The following RIN3 variants were observed in gnomAD, a reference collection of about 807,000 sequenced individuals.
RIN3 encodes RAB5 interacting protein 3.
In RIN3, 54 loss-of-function variants were observed where a neutral mutation model predicts 76.3. That is an observed-to-expected ratio of 0.71 (90% CI 0.57 to 0.89). The LOEUF is 0.89. RIN3 is among the 40% of genes least tolerant of loss of function. The pLI is 0.00. For missense variants in RIN3, 1,256 were observed against 1,322.1 expected, an observed-to-expected ratio of 0.95 and a Z score of 0.78; for synonymous variants, 576 against 564.0, an observed-to-expected ratio of 1.02 and a Z score of -0.30.
intron 4 of RIN3, among the ~76,000 whole-genome samples, chr14:92,628,599 C>A (rs558806372): frequency 6.6e-6 from 1 of 152,146 alleles, no homozygotes; most frequent in Non-Finnish European, 1.5e-5. Context: ...GATAAGGCCA[C>A]GCTTTCCCAT....
chr14:92,518,858 G>A (rs1010724170), intron 1 of RIN3, among the ~76,000 whole-genome samples: 17 of 149,778 alleles, frequency 1.1e-4, no homozygotes, highest in African/African-American at 4.2e-4. Context: ...CTGCCAACGT[G>A]TCTTTTCTTA....
Position 92,648,458 on chromosome 14 carries a change from T to G in RIN3, c.533-3124T>G, listed in dbSNP as rs1344812023. ...GGCCCATCCGTTTACGGGGCTCCTG[T>G]GCCCTCCTTCCTGCCTCCTCTCACT... On this transcript the variant is annotated intron_variant, in intron 5 of 9. Coordinates refer to ENST00000216487, the MANE Select transcript of RIN3 (RefSeq NM_024832.5). The surrounding 1 kb of genome is among the most constrained non-coding windows in gnomAD (Gnocchi z 4.1). 6.6e-6 allele frequency among the ~76,000 whole-genome samples: 1 copy of G among 152,246 alleles called. No homozygotes were observed. Among genetic ancestry groups the G allele is most frequent in the Non-Finnish European group, 1.5e-5 (1 of 68,036 alleles).
At chr14:92,531,599 C>G (rs768232745) in intron 1 of RIN3, among the ~76,000 whole-genome samples, 38 of 152,190 alleles carry the variant, frequency 2.5e-4, no homozygotes, top group Non-Finnish European at 4.6e-4. Context: ...GCACATGATA[C>G]GCTTATTCCC....
intron 2 of RIN3, among the ~76,000 whole-genome samples, chr14:92,567,927 A>T (rs571601234): frequency 6.6e-6 from 1 of 152,282 alleles, no homozygotes; most frequent in East Asian, 1.9e-4. Context: ...AATAATTAGG[A>T]TTATAAGTTA....
In RIN3 at chr14:92,634,065, TCC is replaced by T. The variant is rs1381258393; in HGVS notation, c.441-7171_441-7170del. ...AATGTCAGAATATTTATTCTAAAAA[TCC>T]CTTTTTTTTTTTTTTTTTTTTTTTG... On this transcript the variant is annotated intron_variant, in intron 4 of 9. Coordinates refer to ENST00000216487, the MANE Select transcript of RIN3 (RefSeq NM_024832.5). Among the ~76,000 whole-genome samples, 6 of 106,304 alleles carry T rather than the reference TCC, an allele frequency of 5.6e-5. No homozygotes were observed. In the East Asian group the frequency reaches 1.5e-3, roughly 26 times the overall value. The allele number at this position is 106,304 out of a possible 152,430, so 69.7% of individuals were successfully genotyped here.
chr14:92,627,909 C>A (rs1161873563), intron 4 of RIN3, among the ~76,000 whole-genome samples: 2 of 152,226 alleles, frequency 1.3e-5, no homozygotes, highest in Non-Finnish European at 2.9e-5. Context: ...AGGGCGCTTC[C>A]TGCATGCAAA....
At chr14:92,598,984 C>T (rs1885247217) in intron 3 of RIN3, among the ~76,000 whole-genome samples, 1 of 152,130 alleles carries the variant, frequency 6.6e-6, no homozygotes, top group South Asian at 2.1e-4. Flanking sequence ...TTTGGAAGAG[C>T]ACACGAGGTG....
chr14:92,659,301 A>G lies in RIN3; in HGVS notation c.2167A>G (p.Thr723Ala). ...KENQLVILAT[T>A]TTDLGVTTSV... ...GAACCAGTTAGTGATCCTGGCCACC[A>G]CCACCACTGACCTAGGTGTGACCAC... The change falls in exon 7 of 10, where the codon ACC becomes GCC. Residue 723 changes from threonine (T) to alanine (A), a missense_variant. Around this residue, in one of 3 missense-constraint regions of RIN3, gnomAD observed 428 missense variants for 521.2 expected, o/e 0.82. Transcript: ENST00000216487. 1.9e-6 allele frequency: 3 copies of G among 1,613,628 alleles called. No homozygotes were observed. Among genetic ancestry groups the G allele is most frequent in the Non-Finnish European group, 2.5e-6 (3 of 1,179,724 alleles).
intron 3 of RIN3, among the ~76,000 whole-genome samples, chr14:92,599,489 A>T (rs1350111444): frequency 6.6e-6 from 1 of 152,198 alleles, no homozygotes; most frequent in African/African-American, 2.4e-5. Context: ...GGACTGTGGG[A>T]CAGCATCACC....
chr14:92,617,157 G>A (rs1171796525), intron 4 of RIN3, among the ~76,000 whole-genome samples: 2 of 152,046 alleles, frequency 1.3e-5, no homozygotes, highest in African/African-American at 4.8e-5. Context: ...AAAATTAGCT[G>A]GGCGTAGTGG....
chr14:92,544,681 C>T (rs370293060), intron 1 of RIN3, among the ~76,000 whole-genome samples: 3 of 151,412 alleles, frequency 2.0e-5, no homozygotes, highest in East Asian at 3.9e-4. Context: ...CTCTGGGACC[C>T]GGGGGTATGT....
rs746660968 is a variant in RIN3 at position 92,652,846 on chromosome 14, C to T, written c.1797C>T (p.Arg599=). 1.9e-5 allele frequency: 31 copies of T among 1,614,104 alleles called. No homozygotes were observed. In the East Asian group the frequency reaches 6.7e-4, roughly 35 times the overall value. Residue 599 remains arginine (R), a synonymous_variant, in exon 6 of 10, where the codon CGC becomes CGT. Coordinates refer to ENST00000216487, the MANE Select transcript of RIN3 (RefSeq NM_024832.5). The surrounding 1 kb of genome is among the most constrained non-coding windows in gnomAD (Gnocchi z 6.4). The stretch of plus-strand genomic sequence containing the variant: ...TCCACGCTTTCCTCTCCAACAACCG[C>T]AAGCTGTACAAGAAGGTGGTGGAGC... The part of the protein sequence containing the change: ...SMFHAFLSNN[R]KLYKKVVELA...
intron 2 of RIN3, among the ~76,000 whole-genome samples, chr14:92,556,456 C>G (rs895967134): frequency 5.3e-5 from 8 of 152,172 alleles, no homozygotes; most frequent in African/African-American, 1.9e-4. Flanking sequence ...CTTAAATTTT[C>G]TAAGCCTCAC....
intron 2 of RIN3, among the ~76,000 whole-genome samples, chr14:92,570,845 A>G (rs1350770087): frequency 6.6e-6 from 1 of 152,242 alleles, no homozygotes; most frequent in Non-Finnish European, 1.5e-5. Flanking sequence ...GACATTTTCC[A>G]TATGAGACCA....
At chr14:92,530,118 T>C (rs1896846584) in intron 1 of RIN3, among the ~76,000 whole-genome samples, 1 of 152,198 alleles carries the variant, frequency 6.6e-6, no homozygotes, top group Admixed American at 6.5e-5. Context: ...CTTCCTCGTG[T>C]AGATAAATCT....
intron 5 of RIN3, among the ~76,000 whole-genome samples, chr14:92,644,027 G>A (rs35268629): frequency 0.12 from 18,529 of 152,184 alleles, 1,573 homozygotes; most frequent in East Asian, 0.27. Flanking sequence ...TGTCCTCAGC[G>A]GTTCTTGAGC....
chr14:92,557,294 T>G (rs1405471000), intron 2 of RIN3, among the ~76,000 whole-genome samples: 2 of 152,128 alleles, frequency 1.3e-5, no homozygotes, highest in Non-Finnish European at 2.9e-5. Flanking sequence ...TTGAGTGCCC[T>G]CCCCCAGGGG....
rs200533188 is a variant in RIN3 at position 92,537,832 on chromosome 14, A to AT, written c.45-17915dup. Among the ~76,000 whole-genome samples the AT allele has an allele frequency of 2.2e-3, 159 of 70,690 alleles. 1 individual carries two copies. The highest frequency in any genetic ancestry group is 6.9e-3 in the African/African-American group (154 of 22,254). The allele number at this position is 70,690 out of a possible 152,430, so 46.4% of individuals were successfully genotyped here. On this transcript the variant is annotated intron_variant, in intron 1 of 9. Transcript: ENST00000216487. ...ACGCCTGGCTAATTTTATTTATTTT[A>AT]TTTTATTTATTTTTTTTTTTTTGAG...
At chr14:92,584,821 G>A (rs1011750932) in intron 3 of RIN3, among the ~76,000 whole-genome samples, 2 of 152,150 alleles carry the variant, frequency 1.3e-5, no homozygotes, top group Admixed American at 6.5e-5. Flanking sequence ...TTCAGGTGAT[G>A]GCGTCTTTCT....
Sources: allele counts gnomAD v4.1 joint callset (sites outside exome capture counted in the v4.1 genomes callset), GRCh38; gene constraint gnomAD v4.1.1; regional missense constraint gnomAD v4.1.1; non-coding constraint Gnocchi (gnomAD v3.1); transcripts MANE v1.5; gene names NCBI Gene and HGNC (gene_info 2026-07-23, HGNC 2026-07-21).